The following EPS8 variants were observed in gnomAD, a reference collection of about 807,000 sequenced individuals.
The protein encoded by EPS8 is EGFR pathway substrate 8, signaling adaptor.
Under a neutral mutation model 103.8 loss-of-function variants are expected in EPS8, and 42 were observed. The observed-to-expected ratio is 0.40, with a 90% CI of 0.32 to 0.52. EPS8 has a LOEUF of 0.52. Ranked by LOEUF, EPS8 falls within the 20% of genes least tolerant of loss-of-function variation. EPS8 has a pLI of 0.40. For synonymous variants in EPS8, 344 were observed against 344.6 expected (o/e 1.00, Z 0.02); for missense variants, 969 against 1,005.1 (o/e 0.96, Z 0.49).
rs144357481 is a variant in EPS8, at chr12:15,704,910, G to GCACA, written c.-21-21942_-21-21939dup. Among the ~76,000 whole-genome samples, 1 of 151,566 alleles carries GCACA rather than the reference G, an allele frequency of 6.6e-6. No homozygotes were observed. Among genetic ancestry groups the GCACA allele is most frequent in the African/African-American group, 2.4e-5 (1 of 41,308 alleles). On this transcript the variant is annotated intron_variant, in intron 1 of 20. Coordinates refer to ENST00000281172, the MANE Select transcript of EPS8 (RefSeq NM_004447.6). The surrounding 1 kb of genome is among the most constrained non-coding windows in gnomAD (Gnocchi z 4.6). The stretch of plus-strand genomic sequence containing the variant: ...CAATTTCCTTGGCATGCGTGCGCAT[G>GCACA]CACACACACACACAAAAAACTGTCC...
chr12:15,626,465 C>T (rs1944947242), intron 18 of EPS8, among the ~76,000 whole-genome samples: 1 of 151,918 alleles, frequency 6.6e-6, no homozygotes, highest in Non-Finnish European at 1.5e-5. Flanking sequence ...CCAGTCTCTA[C>T]TAAAAATACA....
Position 15,693,697 on chromosome 12 carries a change from G to A in EPS8, c.-21-10725C>T, listed in dbSNP as rs1227597250. On this transcript the variant is annotated intron_variant, in intron 1 of 20. Transcript: ENST00000281172. The surrounding 1 kb of genome is among the most constrained non-coding windows in gnomAD (Gnocchi z 5.6). Reference sequence around the variant, plus strand: ...TGAAATAAATGCATATACCACCATGGAATACTATGCAGCCATAAAAAGGAA... The same window carrying A: ...TGAAATAAATGCATATACCACCATGAAATACTATGCAGCCATAAAAAGGAA... Among the ~76,000 whole-genome samples the A allele has an allele frequency of 6.6e-6, 1 of 152,236 alleles. No homozygotes were observed. Among genetic ancestry groups the A allele is most frequent in the Non-Finnish European group, 1.5e-5 (1 of 68,018 alleles).
chr12:15,773,468 G>A (rs1402481866), intron 1 of EPS8, among the ~76,000 whole-genome samples: 1 of 151,778 alleles, frequency 6.6e-6, no homozygotes, highest in African/African-American at 2.4e-5. Context: ...ACCAAATTAT[G>A]TGTTAAAGGG....
At chr12:15,648,865 C>G (rs4237954) in intron 14 of EPS8, among the ~76,000 whole-genome samples, 49 of 152,116 alleles carry the variant, frequency 3.2e-4, no homozygotes, top group Admixed American at 1.6e-3. Flanking sequence ...TTTGTCACTC[C>G]AAGTCACCTA....
intron 17 of EPS8, among the ~76,000 whole-genome samples, chr12:15,634,208 C>G (rs899402818): frequency 2.6e-5 from 4 of 152,208 alleles, no homozygotes; most frequent in African/African-American, 9.6e-5. Flanking sequence ...TCAGACTCCC[C>G]AGCTGGGAAC....
At chr12:15,658,234 G>A (rs1242610779) in intron 11 of EPS8, 81 bp from the exon 12 acceptor site, 9 of 908,690 alleles carry the variant, frequency 9.9e-6, no homozygotes, top group Non-Finnish European at 1.4e-5. Flanking sequence ...ACACAGAGGG[G>A]ACGGTCTTTA....
In EPS8 at chr12:15,777,015, T is replaced by C. The variant is rs1406231742; in HGVS notation, c.-22+12146A>G. ...TTTTATCCTGTAGTCCAATGAGAGC[T>C]GATAAAATCATTCTTCAACTATTCT... On this transcript the variant is annotated intron_variant, in intron 1 of 20. Transcript: ENST00000281172. The surrounding 1 kb of genome is among the most constrained non-coding windows in gnomAD (Gnocchi z 4.7). 6.6e-6 allele frequency among the ~76,000 whole-genome samples: 1 copy of C among 152,200 alleles called. No individual in the cohort carries two copies. The highest frequency in any genetic ancestry group is 1.9e-4 in the East Asian group (1 of 5,198).
intron 1 of EPS8, among the ~76,000 whole-genome samples, chr12:15,742,753 G>A (rs985140945): frequency 6.6e-6 from 1 of 152,066 alleles, no homozygotes; most frequent in Admixed American, 6.6e-5. Context: ...GTATTGATTG[G>A]ATGTATCTCA....
intron 12 of EPS8, among the ~76,000 whole-genome samples, chr12:15,656,791 G>A (rs1292683583): frequency 6.6e-6 from 1 of 152,066 alleles, no homozygotes; most frequent in African/African-American, 2.4e-5. Flanking sequence ...CCAAAAACCT[G>A]CTCTACCCAG....
intron 10 of EPS8, 137 bp downstream of exon 10, chr12:15,660,477 T>C (rs1298000246): frequency 1.7e-5 from 11 of 653,908 alleles, no homozygotes; most frequent in Non-Finnish European, 2.8e-5. Flanking sequence ...TTGGTCAGGC[T>C]AGTCTCGAAC....
Position 15,698,069 on chromosome 12 carries a change from T to G in EPS8, c.-21-15097A>C, listed in dbSNP as rs1034698956. Among the ~76,000 whole-genome samples, 93 of 152,188 alleles carry G rather than the reference T, an allele frequency of 6.1e-4. No homozygotes were observed. The highest frequency in any genetic ancestry group is 1.2e-3 in the Non-Finnish European group (84 of 68,032). On this transcript the variant is annotated intron_variant, in intron 1 of 20. Transcript: ENST00000281172. The surrounding 1 kb of genome is among the most constrained non-coding windows in gnomAD (Gnocchi z 4.9). The stretch of plus-strand genomic sequence containing the variant: ...TTATATCCAACTTTGAGGCAACATA[T>G]GTTTTACAAAGCATGGGGACATATG...
intron 13 of EPS8, among the ~76,000 whole-genome samples, chr12:15,652,915 G>A (rs892014228): frequency 5.3e-5 from 8 of 151,984 alleles, no homozygotes; most frequent in Admixed American, 2.0e-4. Context: ...ATGTCTAAGT[G>A]GCCATACTAA....
At chr12:15,659,293 G>A (rs1361347802) in intron 10 of EPS8, among the ~76,000 whole-genome samples, 1 of 152,008 alleles carries the variant, frequency 6.6e-6, no homozygotes, top group Non-Finnish European at 1.5e-5. Flanking sequence ...TAAGAAGATT[G>A]TTCTCACAGC....
intron 8 of EPS8, 64 bp from the exon 9 acceptor site, chr12:15,662,163 A>G: frequency 4.5e-6 from 7 of 1,565,146 alleles, no homozygotes; most frequent in Non-Finnish European, 6.1e-6. Flanking sequence ...ACAGACAATT[A>G]AAACATAAAA....
intron 1 of EPS8, among the ~76,000 whole-genome samples, chr12:15,786,707 C>T (rs1418328378): frequency 3.3e-5 from 5 of 152,018 alleles, no homozygotes; most frequent in Admixed American, 6.6e-5. Context: ...CTAGAAAATA[C>T]TGAAAAGGTT....
intron 1 of EPS8, among the ~76,000 whole-genome samples, chr12:15,742,801 T>C (rs1426755472): frequency 6.6e-6 from 1 of 152,326 alleles, no homozygotes; most frequent in Middle Eastern, 3.4e-3. Context: ...CAGCCAATAA[T>C]ACCATATTGA....
At chr12:15,641,633 A>G (rs1399996093) in intron 16 of EPS8, 89 bp downstream of exon 16, 1 of 566,014 alleles carries the variant, frequency 1.8e-6, no homozygotes, top group Admixed American at 3.4e-5. Flanking sequence ...GTAATATAAT[A>G]CTTTTGAAGG....
At position 15,703,847 on chromosome 12, in the gene EPS8, GTTTTTTTTTTT is replaced by G. The variant is rs58735135; in HGVS notation, c.-21-20886_-21-20876del. On this transcript the variant is annotated intron_variant, in intron 1 of 20. Transcript: ENST00000281172. ...CACCTGTATTCTGCTCTATGTATTT[GTTTTTTTTTTT>G]TTTTTTTTTTTTGGAAAAACTTAGA... 8.2e-5 allele frequency among the ~76,000 whole-genome samples: 5 copies of G among 61,242 alleles called. No homozygotes were observed. In the East Asian group the frequency reaches 2.6e-3, roughly 32 times the overall value. The allele number at this position is 61,242 out of a possible 152,430, so 40.2% of individuals were successfully genotyped here.
rs550278049 is a variant in EPS8 at position 15,691,860 on chromosome 12, C to G, written c.-21-8888G>C. Among the ~76,000 whole-genome samples the G allele has an allele frequency of 7.2e-5, 11 of 152,264 alleles. No homozygotes were observed. The East Asian group carries it at 1.9e-3, about 27-fold the overall frequency. On this transcript the variant is annotated intron_variant, in intron 1 of 20. Coordinates refer to ENST00000281172, the MANE Select transcript of EPS8 (RefSeq NM_004447.6). ...TTAATAATTATCTTTCCCCCCAACT[C>G]TTAGTGATCCTATGTCCCCCTCGTT...
Sources: gnomAD v4.1 joint callset for allele counts (sites outside exome capture counted in the v4.1 genomes callset) on GRCh38, gnomAD v4.1.1 for gene constraint, Gnocchi (gnomAD v3.1) non-coding constraint, MANE v1.5 for transcripts, NCBI Gene and HGNC (gene_info 2026-07-23, HGNC 2026-07-21) for gene names.